Variants in NEU3 observed in about 807,000 individuals in gnomAD.
NEU3 encodes the protein neuraminidase 3, also known as sialidase-3.
Under a neutral mutation model 11.4 loss-of-function variants are expected in NEU3, and 10 were observed. The ratio of observed to expected loss-of-function variants is 0.88; its 90% confidence interval spans 0.54 to 1.49. The LOEUF is 1.49. NEU3 is among the 40% of genes most tolerant of loss of function. The pLI, the probability that NEU3 is intolerant of heterozygous loss-of-function variation, is 0.00. For synonymous variants in NEU3, 212 were observed against 228.2 expected, an observed-to-expected ratio of 0.93 and a Z score of 0.64; for missense variants, 529 against 581.8, an observed-to-expected ratio of 0.91 and a Z score of 0.93.
downstream of NEU3, among the ~76,000 whole-genome samples, chr11:75,014,725 T>G (rs112447428): frequency 6.9e-4 from 105 of 151,826 alleles, no homozygotes; most frequent in African/African-American, 2.5e-3. Flanking sequence ...ATTAGCCAGG[T>G]GTAGGGGCAC....
intron 1 of NEU3, among the ~76,000 whole-genome samples, chr11:74,993,913 A>C (rs1948758653): frequency 6.6e-6 from 1 of 152,108 alleles, no homozygotes; most frequent in Non-Finnish European, 1.5e-5. Context: ...CAGAGCCCTT[A>C]TAACCCTATC....
chr11:74,998,537 C>T (rs1164653186), intron 2 of NEU3, among the ~76,000 whole-genome samples: 1 of 152,194 alleles, frequency 6.6e-6, no homozygotes, highest in Admixed American at 6.5e-5. Context: ...TCTATATCTA[C>T]ATAGTAGGCA....
At chr11:74,997,009 A>G (rs1165064999) in intron 2 of NEU3, among the ~76,000 whole-genome samples, 2 of 152,208 alleles carry the variant, frequency 1.3e-5, no homozygotes, top group Non-Finnish European at 2.9e-5. Context: ...TAGATTTAGG[A>G]TAATTCTTAA....
At position 75,009,961 on chromosome 11, in the gene NEU3, C is replaced by A. The variant is rs1302011916; in HGVS notation, c.*3469C>A. On this transcript the variant is annotated 3_prime_UTR_variant, in exon 3 of 3. Transcript: ENST00000294064. ...AGCCCAGAGGACCCACAAAGGTCAA[C>A]CTGAGTCTCCACAGCCTCCTCCCCA... 1 of 152,248 alleles carries A rather than the reference C, an allele frequency of 6.6e-6. No homozygotes were observed. Among genetic ancestry groups the A allele is most frequent in the Non-Finnish European group, 1.5e-5 (1 of 68,070 alleles). 9.4% of individuals were successfully genotyped at this position (152,248 alleles called of 1,614,324 possible). A position where few individuals can be genotyped will look rare whatever the true frequency, so the allele number is the denominator to read the frequency against.
chr11:75,014,995 T>C (rs565377), downstream of NEU3, among the ~76,000 whole-genome samples: 131,411 of 152,250 alleles, frequency 0.86, 57,002 homozygotes, highest in African/African-American at 0.93. Context: ...GGGAGCTGCC[T>C]TGATTATTAT....
intron 2 of NEU3, among the ~76,000 whole-genome samples, chr11:74,995,726 G>A (rs1440376894): frequency 1.3e-5 from 2 of 152,116 alleles, no homozygotes; most frequent in Non-Finnish European, 2.9e-5. Flanking sequence ...TTGCTGGAGT[G>A]GGTCTTGCCC....
chr11:74,994,897 A>C (rs1454482880), intron 2 of NEU3, 177 bp downstream of exon 2: 2 of 709,128 alleles, frequency 2.8e-6, no homozygotes, highest in Non-Finnish European at 5.1e-6. Flanking sequence ...CCAGGGGCAC[A>C]TTGGGTCCTC....
chr11:74,984,286 C>T (rs1281849039), upstream of NEU3, among the ~76,000 whole-genome samples: 2 of 152,198 alleles, frequency 1.3e-5, no homozygotes, highest in African/African-American at 4.8e-5. Context: ...GGTATCAGAG[C>T]AAAGGGCGCA....
rs758364294 is a variant in NEU3 at position 75,005,399 on chromosome 11, T to A, written c.307-14T>A. ...TAGTATCTCACTCCTACTTTCTCCC[T>A]TCTCCTTGTCTAGTGGGGGCCCCTG... is the stretch of plus-strand genomic sequence containing the variant. On this transcript the variant is annotated splice_polypyrimidine_tract_variant and intron_variant, in intron 2 of 2. Coordinates refer to ENST00000294064, the MANE Select transcript of NEU3 (RefSeq NM_006656.6). 1 of 1,578,886 alleles carries A rather than the reference T, an allele frequency of 6.3e-7. No individual in the cohort carries two copies. The highest frequency in any genetic ancestry group is 1.8e-5 in the Admixed American group (1 of 54,102).
At chr11:75,004,415 G>T in intron 2 of NEU3, 1 of 481,800 alleles carries the variant, frequency 2.1e-6, no homozygotes, top group Non-Finnish European at 3.7e-6. Context: ...TGTCAGTTTC[G>T]TTTTAATTTG....
chr11:75,012,883 C>T (rs1948964705), downstream of NEU3, among the ~76,000 whole-genome samples: 1 of 152,228 alleles, frequency 6.6e-6, no homozygotes, highest in South Asian at 2.1e-4. Flanking sequence ...GCAGCGTACA[C>T]ATCTTAAGTG....
chr11:75,001,225 T>C (rs758966027), intron 2 of NEU3, among the ~76,000 whole-genome samples: 5 of 152,100 alleles, frequency 3.3e-5, no homozygotes, highest in Non-Finnish European at 4.4e-5. Context: ...ATGCTGAACA[T>C]GTTTTCATAT....
chr11:75,001,666 A>G (rs7931506), intron 2 of NEU3, among the ~76,000 whole-genome samples: 2 of 152,256 alleles, frequency 1.3e-5, no homozygotes, highest in African/African-American at 4.8e-5. Flanking sequence ...AGCTTGTTTT[A>G]TATGTCCCAT....
intron 2 of NEU3, among the ~76,000 whole-genome samples, chr11:75,003,440 A>T (rs1240279126): frequency 6.6e-6 from 1 of 152,098 alleles, no homozygotes; most frequent in Non-Finnish European, 1.5e-5. Context: ...GTTTTTGTTT[A>T]AATATTTTAT....
downstream of NEU3, among the ~76,000 whole-genome samples, chr11:75,013,017 C>A (rs1277117343): frequency 4.0e-5 from 6 of 151,752 alleles, no homozygotes; most frequent in African/African-American, 1.5e-4. Flanking sequence ...GATTGTCTGA[C>A]AAATTACTTT....
intron 2 of NEU3, among the ~76,000 whole-genome samples, chr11:75,002,945 A>G (rs1215765617): frequency 6.6e-6 from 1 of 152,212 alleles, no homozygotes; most frequent in African/African-American, 2.4e-5. Context: ...ACATACCACA[A>G]TTAAGTGATC....
At chr11:74,999,127 C>A (rs1948819317) in intron 2 of NEU3, among the ~76,000 whole-genome samples, 1 of 139,346 alleles carries the variant, frequency 7.2e-6, no homozygotes, top group Admixed American at 8.1e-5. Context: ...TAAATTTTAA[C>A]TGTCTGTTTG....
In NEU3 at chr11:74,994,632, C is replaced by T. The variant is rs747760485; in HGVS notation, c.218C>T (p.Ala73Val). Residue 73 changes from alanine (A) to valine (V), a missense_variant, in exon 2 of 3, where the codon GCC becomes GTC. By Grantham distance (64) the Ala-to-Val change is moderately conservative. Transcript: ENST00000294064. ...ATACCCCCCACCCACACCTTCCTGG[C>T]CTTTGCAGAGAAGCGTTCTACGAGG... ...LYIPPTHTFL[A>V]FAEKRSTRRD... 1 of 1,613,992 alleles carries T rather than the reference C, an allele frequency of 6.2e-7. No homozygotes were observed. The highest frequency in any genetic ancestry group is 2.2e-5 in the East Asian group (1 of 44,882).
chr11:74,991,165 C>T (rs1189994068), intron 1 of NEU3, among the ~76,000 whole-genome samples: 5 of 152,210 alleles, frequency 3.3e-5, no homozygotes, highest in African/African-American at 1.2e-4. Context: ...GGCTCAGAGA[C>T]AGATTGTTTG....
Sources: gnomAD v4.1 joint callset for allele counts (sites outside exome capture counted in the v4.1 genomes callset) on GRCh38, gnomAD v4.1.1 for gene constraint, MANE v1.5 for transcripts, NCBI Gene and HGNC (gene_info 2026-07-23, HGNC 2026-07-21) for gene names.